The following IGF2R variants were observed in gnomAD, a reference collection of about 807,000 sequenced individuals.
The protein encoded by IGF2R is insulin like growth factor 2 receptor.
IGF2R carries 91 observed loss-of-function variants against 270.6 expected under a neutral mutation model. That is an observed-to-expected ratio of 0.34 (90% CI 0.28 to 0.40). The LOEUF (loss-of-function observed/expected upper bound fraction) is 0.40, where lower values mean the gene tolerates loss of function less well. Among genes scored for constraint, IGF2R ranks in the 10% least tolerant of loss-of-function variants. The pLI is 1.00. For missense variants in IGF2R, 2,805 were observed against 3,188.3 expected (o/e 0.88, Z 2.90); for synonymous variants, 1,316 against 1,258.9 (o/e 1.05, Z -0.96).
chr6:159,994,185 G>T (rs1300080217), intron 2 of IGF2R, among the ~76,000 whole-genome samples: 5 of 151,660 alleles, frequency 3.3e-5, no homozygotes, highest in Non-Finnish European at 4.4e-5. Context: ...AATCTTGGGA[G>T]GTTGTATGTT....
intron 19 of IGF2R, among the ~76,000 whole-genome samples, chr6:160,054,268 C>T (rs1214216403): frequency 6.6e-6 from 1 of 152,180 alleles, no homozygotes. Flanking sequence ...CACACACATG[C>T]GTGGTAGGCA....
chr6:160,035,470 C>T (rs562627001), intron 10 of IGF2R, among the ~76,000 whole-genome samples: 15 of 152,322 alleles, frequency 9.8e-5, no homozygotes, highest in Admixed American at 7.2e-4. Flanking sequence ...GGTAGCACCG[C>T]ACCCCTGCGA....
intron 1 of IGF2R, among the ~76,000 whole-genome samples, chr6:159,989,357 T>A (rs1783941860): frequency 6.6e-6 from 1 of 152,050 alleles, no homozygotes; most frequent in Non-Finnish European, 1.5e-5. Flanking sequence ...GTCATTGCCT[T>A]GGTGCACTGT....
rs368168889 is a variant in IGF2R at position 160,052,559 on chromosome 6, TC to T, written c.2694+1908del. On this transcript the variant is annotated intron_variant, in intron 19 of 47. Transcript: ENST00000356956. ...ATCCCCATCAAGCTACCAATGGTTT[TC>T]TTCACAGAATTGGAAAAAACTACTT... 2.2e-3 allele frequency among the ~76,000 whole-genome samples: 331 copies of T among 152,342 alleles called. 3 individuals are homozygous for T. The highest frequency in any genetic ancestry group is 7.6e-3 in the African/African-American group (316 of 41,582).
chr6:160,064,857 G>A lies in IGF2R; in HGVS notation c.4071G>A (p.Thr1357=), dbSNP rs200325285. Residue 1357 remains threonine, a synonymous_variant, in exon 29 of 48, where the codon ACG becomes ACA. Coordinates refer to ENST00000356956, the MANE Select transcript of IGF2R (RefSeq NM_000876.4). ...SDCSYLFEWR[T]QYACPPFDLT... ...GTTCCTACTTGTTTGAGTGGCGAAC[G>A]CAGTATGCCTGCCCACCTTTCGATC... 5.6e-6 allele frequency: 9 copies of A among 1,613,538 alleles called. No homozygotes were observed. Among genetic ancestry groups the A allele is most frequent in the Middle Eastern group, 1.6e-4 (1 of 6,084 alleles).
At chr6:160,019,789 A>G (rs1777390717) in intron 4 of IGF2R, among the ~76,000 whole-genome samples, 1 of 152,176 alleles carries the variant, frequency 6.6e-6, no homozygotes, top group African/African-American at 2.4e-5. Flanking sequence ...CACTCAAAAA[A>G]TATTAGAAGG....
At chr6:159,989,676 C>G (rs1313370321) in intron 1 of IGF2R, among the ~76,000 whole-genome samples, 2 of 152,228 alleles carry the variant, frequency 1.3e-5, no homozygotes, top group East Asian at 3.8e-4. Context: ...AAGTGATCCT[C>G]TGGCCTTCGC....
At chr6:159,990,544 G>GT (rs1783961200) in intron 1 of IGF2R, among the ~76,000 whole-genome samples, 1 of 152,088 alleles carries the variant, frequency 6.6e-6, no homozygotes, top group South Asian at 2.1e-4. Flanking sequence ...AAATTACCCA[G>GT]TCTTGAGTAT....
intron 46 of IGF2R, 104 bp from the exon 47 acceptor site, chr6:160,103,642 A>C (rs1307652786): frequency 1.3e-6 from 1 of 770,656 alleles, no homozygotes; most frequent in African/African-American, 1.7e-5. Context: ...TGCAGCCACC[A>C]CCAGCCCCCT....
chr6:160,022,527 G>T (rs569950782), intron 4 of IGF2R, among the ~76,000 whole-genome samples: 3 of 152,296 alleles, frequency 2.0e-5, no homozygotes, highest in African/African-American at 7.2e-5. Flanking sequence ...TTAAAACCAA[G>T]TAAGGATGGA....
In IGF2R at chr6:160,070,067, C is replaced by T. The variant is rs1458867220; in HGVS notation, c.4443+9C>T. On this transcript the variant is annotated intron_variant, in intron 31 of 47. Transcript: ENST00000356956. ...GCAGCGAGAGCCAAGTGGTAAGGGA[C>T]TGTTCCTGCACCTTCTGCTGTTGCA... 2 of 1,613,486 alleles carry T rather than the reference C, an allele frequency of 1.2e-6. No homozygotes were observed. The highest frequency in any genetic ancestry group is 1.7e-5 in the Admixed American group (1 of 59,998).
At position 160,088,104 on chromosome 6, in the gene IGF2R, G is replaced by C. The variant is rs750688479; in HGVS notation, c.6277G>C (p.Glu2093Gln). 6.2e-7 allele frequency: 1 copy of C among 1,614,002 alleles called. No homozygotes were observed. Among genetic ancestry groups the C allele is most frequent in the South Asian group, 1.1e-5 (1 of 91,080 alleles). Residue 2093 changes from glutamate (E) to glutamine (Q), a missense_variant, in exon 42 of 48, where the codon GAA becomes CAA. Transcript: ENST00000356956. ...GGNKTASSVI[E>Q]LTCTKTVGRP... is the part of the protein sequence containing the mutation. ...AAATAAGACCGCATCCTCCGTGATA[G>C]AATTGACCTGTACAAAGACGGTGGG...
At chr6:160,011,557 T>C (rs1036759933) in intron 4 of IGF2R, among the ~76,000 whole-genome samples, 1 of 151,600 alleles carries the variant, frequency 6.6e-6, no homozygotes, top group Non-Finnish European at 1.5e-5. Context: ...TTTCGTTTTT[T>C]TTTTTTTTTT....
intron 3 of IGF2R, 189 bp from the exon 4 acceptor site, chr6:160,010,498 A>C: frequency 2.0e-6 from 1 of 496,600 alleles, no homozygotes; most frequent in Non-Finnish European, 3.6e-6. Context: ...GATTTTATGA[A>C]GCTTTGGTCT....
At chr6:160,081,932 A>G (rs1456225917) in intron 39 of IGF2R, among the ~76,000 whole-genome samples, 1 of 152,218 alleles carries the variant, frequency 6.6e-6, no homozygotes, top group Non-Finnish European at 1.5e-5. Context: ...TTTACGAACA[A>G]TTTGTGCAGT....
At chr6:160,061,349 A>G (rs1278755387) in intron 23 of IGF2R, among the ~76,000 whole-genome samples, 154 bp from the exon 24 acceptor site, 1 of 152,160 alleles carries the variant, frequency 6.6e-6, no homozygotes, top group Non-Finnish European at 1.5e-5. Context: ...TGTGTTTTGT[A>G]GGCAAAGCCT....
chr6:159,971,818 T>A (rs1321928749), intron 1 of IGF2R, among the ~76,000 whole-genome samples: 1 of 152,124 alleles, frequency 6.6e-6, no homozygotes, highest in East Asian at 1.9e-4. Context: ...TGGCTTATTA[T>A]ATATTTTTTA....
chr6:160,076,031 C>G (rs1164809427), intron 36 of IGF2R, 35 bp downstream of exon 36: 2 of 1,605,838 alleles, frequency 1.2e-6, no homozygotes, highest in Non-Finnish European at 1.7e-6. Flanking sequence ...AGATGCTCAA[C>G]TGCGGGTTAG....
At chr6:159,990,553 A>G (rs1783961301) in intron 1 of IGF2R, among the ~76,000 whole-genome samples, 1 of 152,188 alleles carries the variant, frequency 6.6e-6, no homozygotes, top group Admixed American at 6.5e-5. Flanking sequence ...AGTCTTGAGT[A>G]TGTCTTTATT....
Sources: allele counts gnomAD v4.1 joint callset (sites outside exome capture counted in the v4.1 genomes callset), GRCh38; gene constraint gnomAD v4.1.1; transcripts MANE v1.5; gene names NCBI Gene and HGNC (gene_info 2026-07-23, HGNC 2026-07-21).